PTK2: variants seen among roughly 807,000 people sequenced by gnomAD.
The protein encoded by PTK2 is protein tyrosine kinase 2, also known as focal adhesion kinase 1.
In PTK2, 45 loss-of-function variants were observed where a neutral mutation model predicts 150.1. That is an observed-to-expected ratio of 0.30 (90% CI 0.24 to 0.38). The LOEUF is 0.38. PTK2 is among the 10% of genes least tolerant of loss of function. PTK2 has a pLI of 1.00. For synonymous variants in PTK2, 432 were observed against 449.2 expected (o/e 0.96, Z 0.48); for missense variants, 919 against 1,307.3 (o/e 0.70, Z 4.58).
chr8:140,677,520 GA>G (rs912475034), intron 27 of PTK2, among the ~76,000 whole-genome samples: 1 of 152,182 alleles, frequency 6.6e-6, no homozygotes, highest in Non-Finnish European at 1.5e-5. Flanking sequence ...CTTTTGAAAA[GA>G]AAGACTTTTC....
At chr8:140,850,510 G>T (rs1363504263) in intron 5 of PTK2, among the ~76,000 whole-genome samples, 1 of 149,994 alleles carries the variant, frequency 6.7e-6, no homozygotes, top group East Asian at 2.0e-4. Context: ...TAGATCACGA[G>T]GTCAGGATAT....
intron 16 of PTK2, among the ~76,000 whole-genome samples, chr8:140,753,785 G>T (rs1328112953): frequency 6.6e-6 from 1 of 152,092 alleles, no homozygotes; most frequent in Non-Finnish European, 1.5e-5. Context: ...TCACTAAAAT[G>T]TAAGTTTCAA....
At chr8:140,778,739 C>T (rs2100079860) in intron 14 of PTK2, among the ~76,000 whole-genome samples, 2 of 152,042 alleles carry the variant, frequency 1.3e-5, no homozygotes, top group Non-Finnish European at 2.9e-5. Flanking sequence ...GGGAAGGATA[C>T]AATTATTGAT....
At chr8:140,753,579 G>A (rs1451319631) in intron 16 of PTK2, among the ~76,000 whole-genome samples, 1 of 152,210 alleles carries the variant, frequency 6.6e-6, no homozygotes, top group Non-Finnish European at 1.5e-5. Context: ...AGGGACAAGA[G>A]TGGAAAATGT....
intron 1 of PTK2, among the ~76,000 whole-genome samples, chr8:140,993,860 G>A (rs562928812): frequency 6.6e-6 from 1 of 152,184 alleles, no homozygotes; most frequent in East Asian, 1.9e-4. Flanking sequence ...TTCCCAGGTA[G>A]CTGGGACTAC....
chr8:140,999,131 G>C (rs894353521), intron 1 of PTK2, among the ~76,000 whole-genome samples: 2 of 152,134 alleles, frequency 1.3e-5, no homozygotes, highest in African/African-American at 4.8e-5. Flanking sequence ...GTTTGCCCCA[G>C]TATTCTTTGC....
intron 14 of PTK2, 64 bp from the exon 16 acceptor site, chr8:140,769,656 G>A: frequency 1.8e-6 from 2 of 1,128,964 alleles, no homozygotes; most frequent in Admixed American, 2.1e-5. Flanking sequence ...GACATAGGAA[G>A]GAGAAGAGGG....
chr8:140,955,997 A>C (rs1023988087), intron 1 of PTK2, among the ~76,000 whole-genome samples: 1 of 152,228 alleles, frequency 6.6e-6, no homozygotes, highest in African/African-American at 2.4e-5. Flanking sequence ...CACCCTGCCC[A>C]ACTGTACAAA....
intron 1 of PTK2, among the ~76,000 whole-genome samples, chr8:140,993,166 A>T (rs889788189): frequency 4.6e-5 from 7 of 152,212 alleles, no homozygotes; most frequent in African/African-American, 1.7e-4. Flanking sequence ...TGATAGTAGT[A>T]ATTTTAAATA....
chr8:140,890,358 C>A (rs965745157), intron 3 of PTK2, 185 bp downstream of exon 3: 11 of 472,242 alleles, frequency 2.3e-5, no homozygotes, highest in African/African-American at 2.0e-4. Flanking sequence ...AGAAACTTTA[C>A]AACAATTAGA....
At chr8:140,763,070 C>T (rs528830797) in intron 15 of PTK2, among the ~76,000 whole-genome samples, 1 of 152,190 alleles carries the variant, frequency 6.6e-6, no homozygotes, top group Non-Finnish European at 1.5e-5. Context: ...ATGTGCGCCA[C>T]CATGCCAAAA....
At chr8:140,835,493 G>A (rs1222000226) in intron 7 of PTK2, among the ~76,000 whole-genome samples, 1 of 152,136 alleles carries the variant, frequency 6.6e-6, no homozygotes, top group Non-Finnish European at 1.5e-5. Flanking sequence ...AAATAGTATG[G>A]TGGTACTTTC....
At chr8:140,776,288 C>T (rs531894634) in intron 14 of PTK2, among the ~76,000 whole-genome samples, 28 of 152,360 alleles carry the variant, frequency 1.8e-4, no homozygotes, top group Non-Finnish European at 2.5e-4. Context: ...AAGGTGTGAG[C>T]CACCATACCT....
At chr8:140,828,185 A>G (rs982942020) in intron 8 of PTK2, among the ~76,000 whole-genome samples, 1 of 150,888 alleles carries the variant, frequency 6.6e-6, no homozygotes, top group African/African-American at 2.4e-5. Context: ...AAAAAAAAAG[A>G]GAAAGTAGAA....
chr8:140,994,788 C>A (rs2100196982), intron 1 of PTK2, among the ~76,000 whole-genome samples: 2 of 152,154 alleles, frequency 1.3e-5, no homozygotes, highest in African/African-American at 4.8e-5. Context: ...TCTCCTGTGG[C>A]CTGCTATTCC....
At chr8:140,824,309 G>C (rs890682014) in intron 8 of PTK2, among the ~76,000 whole-genome samples, 1 of 152,186 alleles carries the variant, frequency 6.6e-6, no homozygotes, top group African/African-American at 2.4e-5. Flanking sequence ...AAAACATGCT[G>C]CTTTTTCTGT....
chr8:140,988,012 T>C (rs1456730604), intron 1 of PTK2, among the ~76,000 whole-genome samples: 12 of 143,942 alleles, frequency 8.3e-5, no homozygotes, highest in African/African-American at 3.1e-4. Context: ...ACCACTGCAC[T>C]CCAGCCTGGA....
rs1453947298 is a variant in PTK2 at position 140,998,837 on chromosome 8, A to C, written c.-122+2288T>G. ...CCGTCTCAAAAAAAAAAAAAAAAAA[A>C]CTATTTTCTTAGACAATTTCTCCAA... On this transcript the variant is annotated intron_variant, in intron 1 of 31. Coordinates refer to ENST00000522684, the Ensembl canonical transcript of PTK2. Among the ~76,000 whole-genome samples, 6 of 151,732 alleles carry C rather than the reference A, an allele frequency of 4.0e-5. No individual in the cohort carries two copies. The East Asian group carries it at 1.2e-3, about 29-fold the overall frequency.
chr8:140,934,155 T>C (rs1005918743), intron 1 of PTK2, among the ~76,000 whole-genome samples: 1 of 152,156 alleles, frequency 6.6e-6, no homozygotes, highest in Non-Finnish European at 1.5e-5. Context: ...ATCTAATAAA[T>C]CATTGGTCTA....
Sources: gnomAD v4.1 joint callset for allele counts (sites outside exome capture counted in the v4.1 genomes callset) on GRCh38, gnomAD v4.1.1 for gene constraint, MANE v1.5 for transcripts, NCBI Gene and HGNC (gene_info 2026-07-23, HGNC 2026-07-21) for gene names.